Variants in EGFLAM observed in about 807,000 individuals in gnomAD.
The protein encoded by EGFLAM is pikachurin.
In EGFLAM, 79 loss-of-function variants were observed where a neutral mutation model predicts 113.1. The observed-to-expected ratio is 0.70, with a 90% CI of 0.58 to 0.84. EGFLAM has a LOEUF of 0.84. Ranked by LOEUF, EGFLAM falls within the 40% of genes least tolerant of loss-of-function variation. EGFLAM has a pLI of 0.00. For synonymous variants in EGFLAM, 504 were observed against 487.6 expected, an observed-to-expected ratio of 1.03 and a Z score of -0.44; for missense variants, 1,265 against 1,291.6, an observed-to-expected ratio of 0.98 and a Z score of 0.32.
intron 1 of EGFLAM, among the ~76,000 whole-genome samples, chr5:38,270,038 G>C (rs2111711703): frequency 6.6e-6 from 1 of 152,298 alleles, no homozygotes; most frequent in Middle Eastern, 3.4e-3. Flanking sequence ...ACCTAGTCAA[G>C]AAGACACGCT....
At chr5:38,332,404 G>A in intron 1 of EGFLAM, among the ~76,000 whole-genome samples, 1 of 152,002 alleles carries the variant, frequency 6.6e-6, no homozygotes, top group Non-Finnish European at 1.5e-5. Context: ...CCAGTACCCA[G>A]AAAAGTTATA....
At chr5:38,337,697 G>A in intron 2 of EGFLAM, 68 bp downstream of exon 2, 2 of 1,312,006 alleles carry the variant, frequency 1.5e-6, no homozygotes, top group South Asian at 1.3e-5. Flanking sequence ...TCTCATCCTT[G>A]CTTTTTCTAG....
intron 1 of EGFLAM, among the ~76,000 whole-genome samples, chr5:38,300,811 A>C (rs1464115154): frequency 6.6e-6 from 1 of 152,224 alleles, no homozygotes; most frequent in South Asian, 2.1e-4. Flanking sequence ...AGCAAGCAGC[A>C]GAGGTGGTGA....
In EGFLAM at chr5:38,425,066, G is replaced by T; in HGVS notation, c.1784G>T (p.Gly595Val). 1 of 1,614,010 alleles carries T rather than the reference G, an allele frequency of 6.2e-7. No individual in the cohort carries two copies. The highest frequency in any genetic ancestry group is 8.5e-7 in the Non-Finnish European group (1 of 1,179,958). The change falls in exon 13 of 22, where the codon GGG becomes GTG. Residue 595 changes from glycine to valine, a missense_variant. Transcript: ENST00000322350. ...TCCTACATTTGCCTCTGTCCCCTTG[G>T]GTTTAAAGGTCGACACTGTGAAGAT... Reference protein sequence around the residue: ...ADSYICLCPLGFKGRHCEDAF... With the variant: ...ADSYICLCPLVFKGRHCEDAF...
chr5:38,342,926 C>G (rs1000078375), intron 3 of EGFLAM, among the ~76,000 whole-genome samples: 6 of 152,122 alleles, frequency 3.9e-5, no homozygotes, highest in Non-Finnish European at 8.8e-5. Flanking sequence ...TCTGGCATCT[C>G]AGTGGATTGT....
intron 6 of EGFLAM, chr5:38,403,923 C>T: frequency 6.2e-7 from 1 of 1,613,586 alleles, no homozygotes; most frequent in Non-Finnish European, 8.5e-7. Flanking sequence ...GTTGAATTTT[C>T]AGTTGACAGG....
Position 38,265,492 on chromosome 5 carries a change from C to T in EGFLAM, c.97+6641C>T, listed in dbSNP as rs1029082515. On this transcript the variant is annotated intron_variant, in intron 1 of 21. Transcript: ENST00000322350. ...CTTTGTTTTTGCATGTCAAGCTGCACATCTTAGAGATGCACCTGCTATTTC... is the reference window on the plus strand; with the variant it reads ...CTTTGTTTTTGCATGTCAAGCTGCATATCTTAGAGATGCACCTGCTATTTC... 5.9e-5 allele frequency among the ~76,000 whole-genome samples: 9 copies of T among 152,186 alleles called. 1 individual carries two copies. In the South Asian group the frequency reaches 1.9e-3, roughly 32 times the overall value.
chr5:38,333,092 A>C (rs1272853423), intron 1 of EGFLAM, among the ~76,000 whole-genome samples: 1 of 152,170 alleles, frequency 6.6e-6, no homozygotes, highest in African/African-American at 2.4e-5. Flanking sequence ...TCAGGATGAT[A>C]TCCTCCAGCT....
At chr5:38,456,555 C>G (rs1407514264) in intron 19 of EGFLAM, among the ~76,000 whole-genome samples, 1 of 152,234 alleles carries the variant, frequency 6.6e-6, no homozygotes, top group East Asian at 1.9e-4. Flanking sequence ...TTTTCAGGGT[C>G]AGAGTGGCAG....
chr5:38,344,058 G>C (rs1739413020), intron 3 of EGFLAM, among the ~76,000 whole-genome samples: 1 of 152,208 alleles, frequency 6.6e-6, no homozygotes, highest in African/African-American at 2.4e-5. Flanking sequence ...CAAATGATCT[G>C]TATTTCTAGC....
At chr5:38,444,899 C>T (rs551117556) in intron 17 of EGFLAM, among the ~76,000 whole-genome samples, 41 of 152,184 alleles carry the variant, frequency 2.7e-4, no homozygotes, top group African/African-American at 7.7e-4. Flanking sequence ...GAGCCGAGAT[C>T]GCGCCACTGC....
At chr5:38,445,027 C>A (rs1742662927) in intron 17 of EGFLAM, among the ~76,000 whole-genome samples, 1 of 152,158 alleles carries the variant, frequency 6.6e-6, no homozygotes, top group Non-Finnish European at 1.5e-5. Context: ...ACTTCAAGCT[C>A]TGATGATTTT....
intron 12 of EGFLAM, among the ~76,000 whole-genome samples, chr5:38,421,603 C>G (rs959791155): frequency 5.3e-5 from 8 of 152,222 alleles, no homozygotes; most frequent in Non-Finnish European, 1.2e-4. Flanking sequence ...CCAGCTCAGT[C>G]CTCATATAGT....
chr5:38,408,269 G>C lies in EGFLAM; in HGVS notation c.1248+364G>C, dbSNP rs148728888. ...CGTTCCAAAATTGTTTAAAAAGAGA[G>C]CCCAATTCTCTGTCTTCATTGTGAT... is the stretch of plus-strand genomic sequence containing the variant. On this transcript the variant is annotated intron_variant, in intron 9 of 21. Coordinates refer to ENST00000322350, the MANE Select transcript of EGFLAM (RefSeq NM_152403.4). 2.1e-3 allele frequency among the ~76,000 whole-genome samples: 320 copies of C among 152,294 alleles called. 1 individual carries two copies. Among genetic ancestry groups the C allele is most frequent in the African/African-American group, 7.4e-3 (308 of 41,556 alleles).
intron 1 of EGFLAM, among the ~76,000 whole-genome samples, chr5:38,268,995 G>A (rs955686817): frequency 2.0e-5 from 3 of 152,106 alleles, no homozygotes; most frequent in Non-Finnish European, 4.4e-5. Flanking sequence ...TGGGCAACAT[G>A]GCGAAACCGC....
intron 6 of EGFLAM, among the ~76,000 whole-genome samples, chr5:38,395,832 A>G (rs1413505986): frequency 1.3e-5 from 2 of 152,102 alleles, no homozygotes; most frequent in East Asian, 3.9e-4. Context: ...CAGGGAGCCA[A>G]CTGGAGACCA....
At chr5:38,361,677 C>T (rs1405427911) in intron 5 of EGFLAM, among the ~76,000 whole-genome samples, 1 of 152,106 alleles carries the variant, frequency 6.6e-6, no homozygotes, top group Non-Finnish European at 1.5e-5. Flanking sequence ...TTATTTTGGG[C>T]CACATTCAAA....
chr5:38,396,499 G>C (rs1321243294), intron 6 of EGFLAM, among the ~76,000 whole-genome samples: 1 of 152,168 alleles, frequency 6.6e-6, no homozygotes, highest in Non-Finnish European at 1.5e-5. Flanking sequence ...GCAAGATTTG[G>C]CTCGTATAGA....
At chr5:38,313,844 C>G (rs925101152) in intron 1 of EGFLAM, among the ~76,000 whole-genome samples, 7 of 152,194 alleles carry the variant, frequency 4.6e-5, no homozygotes, top group African/African-American at 1.7e-4. Flanking sequence ...GTCCATTTTT[C>G]TCTATGCACC....
Sources: allele counts gnomAD v4.1 joint callset (sites outside exome capture counted in the v4.1 genomes callset), GRCh38; gene constraint gnomAD v4.1.1; transcripts MANE v1.5; gene names NCBI Gene and HGNC (gene_info 2026-07-23, HGNC 2026-07-21).